The following TMC2 variants were observed in gnomAD, a reference collection of about 807,000 sequenced individuals.
The protein encoded by TMC2 is transmembrane channel-like protein 2.
Under a neutral mutation model 105.9 loss-of-function variants are expected in TMC2, and 102 were observed. That is an observed-to-expected ratio of 0.96 (90% CI 0.82 to 1.14). The LOEUF (loss-of-function observed/expected upper bound fraction) is 1.14. TMC2 is among the 50% of genes most tolerant of loss of function. TMC2 has a pLI of 0.00. For missense variants in TMC2, 1,093 were observed against 1,134.3 expected (o/e 0.96, Z 0.52); for synonymous variants, 402 against 422.8 (o/e 0.95, Z 0.60).
intron 17 of TMC2, among the ~76,000 whole-genome samples, chr20:2,625,170 T>C (rs1224945981): frequency 6.6e-6 from 1 of 152,178 alleles, no homozygotes; most frequent in African/African-American, 2.4e-5. Context: ...CTAGTAAAAA[T>C]GTTAGCATTT....
chr20:2,612,239 A>G lies in TMC2; in HGVS notation c.1642A>G (p.Asn548Asp), dbSNP rs750539708. Residue 548 changes from asparagine (N) to aspartate (D), a missense_variant, in exon 13 of 20, where the codon AAC becomes GAC. Asn to Asp is a conservative substitution (Grantham distance 23). Coordinates refer to ENST00000358864, the MANE Select transcript of TMC2 (RefSeq NM_080751.3). The part of the protein sequence containing the change: ...IKNITHWTLF[N>D]YYNSSGWNES... ...GAACATCACTCACTGGACTCTGTTTAACTATTACAACTCTTCTGGTTGGAA... is the reference window on the plus strand; with the variant it reads ...GAACATCACTCACTGGACTCTGTTTGACTATTACAACTCTTCTGGTTGGAA... The G allele has an allele frequency of 1.0e-4, 169 of 1,612,302 alleles. No homozygotes were observed. Among genetic ancestry groups the G allele is most frequent in the Non-Finnish European group, 1.4e-4 (166 of 1,179,096 alleles).
At chr20:2,583,208 C>G (rs1437504482) in intron 7 of TMC2, among the ~76,000 whole-genome samples, 1 of 152,174 alleles carries the variant, frequency 6.6e-6, no homozygotes, top group Non-Finnish European at 1.5e-5. Context: ...GTAACGCCTC[C>G]CTTTGAATAT....
intron 16 of TMC2, 74 bp from the exon 17 acceptor site, chr20:2,624,197 G>A: frequency 1.3e-6 from 2 of 1,511,602 alleles, no homozygotes; most frequent in Non-Finnish European, 1.8e-6. Context: ...ACCTGGGTAG[G>A]GGGGCCATGG....
chr20:2,605,305 C>T (rs2086381665), intron 11 of TMC2, among the ~76,000 whole-genome samples: 1 of 152,148 alleles, frequency 6.6e-6, no homozygotes, highest in Non-Finnish European at 1.5e-5. Context: ...GCTGCCACAA[C>T]AAAGTACCAC....
At chr20:2,554,705 A>C (rs1419971134) in intron 2 of TMC2, among the ~76,000 whole-genome samples, 1 of 152,170 alleles carries the variant, frequency 6.6e-6, no homozygotes, top group Non-Finnish European at 1.5e-5. Flanking sequence ...TGTTATTTAG[A>C]AGTGGGCTGT....
intron 17 of TMC2, among the ~76,000 whole-genome samples, chr20:2,632,093 C>T (rs1162013430): frequency 6.6e-6 from 1 of 151,596 alleles, no homozygotes; most frequent in Non-Finnish European, 1.5e-5. Context: ...ATGATCTCAG[C>T]TCACTGCAGC....
At chr20:2,598,289 G>C (rs11087509) in intron 10 of TMC2, among the ~76,000 whole-genome samples, 62,071 of 151,916 alleles carry the variant, frequency 0.41, 14,073 homozygotes, top group East Asian at 0.65. Flanking sequence ...CAGAAGGCTA[G>C]CAATATGGTC....
At chr20:2,623,201 T>C (rs1409260824) in intron 16 of TMC2, among the ~76,000 whole-genome samples, 1 of 152,014 alleles carries the variant, frequency 6.6e-6, no homozygotes, top group African/African-American at 2.4e-5. Context: ...AGCACAGCTT[T>C]CGTGGGGAGA....
intron 4 of TMC2, among the ~76,000 whole-genome samples, chr20:2,568,363 T>A (rs999331131): frequency 6.6e-6 from 1 of 152,052 alleles, no homozygotes; most frequent in African/African-American, 2.4e-5. Context: ...TCAAAAAAAG[T>A]TTGCTGTGCC....
At chr20:2,545,833 G>GAAAGAAAGAAAC (rs1239107832) in intron 2 of TMC2, among the ~76,000 whole-genome samples, 4 of 118,074 alleles carry the variant, frequency 3.4e-5, no homozygotes, top group African/African-American at 1.3e-4. Flanking sequence ...AAGAAAGAAA[G>GAAAGAAAGAAAC]AAAGAAAGAA....
intron 16 of TMC2, chr20:2,617,700 C>T (rs1478393184): frequency 5.3e-6 from 1 of 188,954 alleles, no homozygotes; most frequent in Non-Finnish European, 1.1e-5. Context: ...GGATATCCAT[C>T]ACATCAAACA....
intron 2 of TMC2, among the ~76,000 whole-genome samples, chr20:2,543,456 C>A (rs1226073316): frequency 6.6e-6 from 1 of 152,170 alleles, no homozygotes; most frequent in African/African-American, 2.4e-5. Flanking sequence ...TGGAATGAGA[C>A]TGGGTGAGAA....
intron 19 of TMC2, among the ~76,000 whole-genome samples, chr20:2,637,892 A>G (rs1191648552): frequency 6.6e-6 from 1 of 152,218 alleles, no homozygotes; most frequent in Admixed American, 6.5e-5. Flanking sequence ...ATTTGGATCA[A>G]CCATGGATGG....
intron 18 of TMC2, among the ~76,000 whole-genome samples, chr20:2,636,574 ATC>A (rs1301303701): frequency 6.6e-6 from 1 of 151,246 alleles, no homozygotes; most frequent in Non-Finnish European, 1.5e-5. Flanking sequence ...AGTGAATTTC[ATC>A]TGTCTTGCTA....
At chr20:2,640,281 C>A (rs2086679419) in intron 19 of TMC2, among the ~76,000 whole-genome samples, 1 of 152,196 alleles carries the variant, frequency 6.6e-6, no homozygotes, top group African/African-American at 2.4e-5. Context: ...CAGGCATGAG[C>A]CACTGCACCT....
intron 3 of TMC2, among the ~76,000 whole-genome samples, chr20:2,561,569 A>G (rs1193691165): frequency 6.6e-6 from 1 of 152,232 alleles, no homozygotes; most frequent in Non-Finnish European, 1.5e-5. Flanking sequence ...GCTACTAGAA[A>G]AATTTGCATT....
chr20:2,555,846 T>C (rs13042993), intron 2 of TMC2, among the ~76,000 whole-genome samples: 31,619 of 152,166 alleles, frequency 0.21, 3,742 homozygotes, highest in African/African-American at 0.32. Context: ...TGTTCTAGAA[T>C]TTGCATTTCT....
At chr20:2,542,983 T>C (rs2085900135) in intron 2 of TMC2, among the ~76,000 whole-genome samples, 1 of 152,142 alleles carries the variant, frequency 6.6e-6, no homozygotes, top group African/African-American at 2.4e-5. Context: ...ACACCTGTAA[T>C]CCCAGCACTT....
At position 2,608,342 on chromosome 20, in the gene TMC2, A is replaced by ATTATTATTT. The variant is rs1171627673; in HGVS notation, c.1414-2075_1414-2074insATTATTTTT. Among the ~76,000 whole-genome samples the ATTATTATTT allele has an allele frequency of 7.4e-4, 105 of 142,438 alleles. 5 individuals carry two copies. The highest frequency in any genetic ancestry group is 3.3e-3 in the Middle Eastern group (1 of 302). The allele number at this position is 142,438 out of a possible 152,430, so 93.4% of individuals were successfully genotyped here. A position where few individuals can be genotyped will look rare whatever the true frequency, so the allele number is the denominator to read the frequency against. ...TATTATTATTATTATTATTATTATT[A>ATTATTATTT]TTTGAGATGAAGTCTTGCTCTGTCA... On this transcript the variant is annotated intron_variant, in intron 11 of 19. Transcript: ENST00000358864.
Sources: allele counts gnomAD v4.1 joint callset (sites outside exome capture counted in the v4.1 genomes callset), GRCh38; gene constraint gnomAD v4.1.1; transcripts MANE v1.5; gene names NCBI Gene and HGNC (gene_info 2026-07-23, HGNC 2026-07-21).